DCHS2: variants seen among roughly 807,000 people sequenced by gnomAD.
DCHS2 encodes the protein dachsous cadherin-related 2, also known as protocadherin-23.
A neutral mutation model predicts 182.4 loss-of-function variants in DCHS2; 142 were observed. The ratio of observed to expected loss-of-function variants is 0.78; its 90% CI spans 0.68 to 0.89. The LOEUF (loss-of-function observed/expected upper bound fraction) is 0.89, where lower values mean the gene tolerates loss of function less well. Ranked by LOEUF, DCHS2 falls within the 40% of genes least tolerant of loss-of-function variation. The probability of loss-of-function intolerance (pLI) is 0.00; values close to 1 mark genes in which losing one functional copy is unlikely to be tolerated. For missense variants in DCHS2, 4,319 were observed against 4,198.6 expected, an observed-to-expected ratio of 1.03 and a Z score of -0.79; for synonymous variants, 1,740 against 1,663.3, an observed-to-expected ratio of 1.05 and a Z score of -1.12.
At chr4:154,456,666 A>G (rs1471693034) in intron 1 of DCHS2, among the ~76,000 whole-genome samples, 1 of 152,224 alleles carries the variant, frequency 6.6e-6, no homozygotes, top group East Asian at 1.9e-4. Context: ...TACTGGAAGG[A>G]CTTGATGGAT....
chr4:154,385,995 T>G (rs1468438790), intron 1 of DCHS2, among the ~76,000 whole-genome samples: 3 of 152,102 alleles, frequency 2.0e-5, no homozygotes, highest in Non-Finnish European at 4.4e-5. Context: ...CTTAAGTGAC[T>G]AATTGGCATC....
chr4:154,259,806 CT>C, intron 14 of DCHS2, 50 bp from the exon 15 acceptor site: 1 of 1,499,466 alleles, frequency 6.7e-7, no homozygotes, highest in Non-Finnish European at 8.9e-7. Context: ...TGTAGTTATT[CT>C]TTTATTTTTT....
chr4:154,358,151 T>C (rs1291963773), intron 3 of DCHS2, among the ~76,000 whole-genome samples: 1 of 152,202 alleles, frequency 6.6e-6, no homozygotes, highest in East Asian at 1.9e-4. Context: ...TGTATCTTAG[T>C]TTCTCAGTCC....
rs369498450 is a variant in DCHS2 at position 154,304,865 on chromosome 4, A to G, written c.5409T>C (p.Asp1803=). ...TGCTGGACAATGAAGGGAATCCCCC[A>G]TCTCGTACTAGTACTGACACAGAAC... ...EVFTLRVLVR[D]GGFPSLSSTT... is the part of the protein sequence containing the mutation. Residue 1803 remains aspartate, a synonymous_variant, in exon 12 of 20, where the codon GAT becomes GAC. Transcript: ENST00000357232. The G allele has an allele frequency of 2.0e-5, 33 of 1,611,274 alleles. No homozygotes were observed. In the South Asian group the frequency reaches 2.3e-4, roughly 11 times the overall value.
chr4:154,320,734 A>G lies in DCHS2; in HGVS notation c.4665T>C (p.Pro1555=). 1 of 1,614,082 alleles carries G rather than the reference A, an allele frequency of 6.2e-7. No homozygotes were observed. Residue 1555 remains proline, a synonymous_variant, in exon 9 of 20, where the codon CCT becomes CCC. Coordinates refer to ENST00000357232, the MANE Select transcript of DCHS2 (RefSeq NM_001358235.2). ...GGTGGATGAGAAATGGATTCGTGCCAGGGTTGTGGGATTCAATGTAGTATT... is the reference window on the plus strand; with the variant it reads ...GGTGGATGAGAAATGGATTCGTGCCGGGGTTGTGGGATTCAATGTAGTATT... ...RIQYYIESHN[P]GTNPFLIHPS...
intron 6 of DCHS2, 116 bp from the exon 7 acceptor site, chr4:154,328,308 C>A: frequency 1.5e-6 from 1 of 661,606 alleles, no homozygotes; most frequent in South Asian, 2.9e-5. Flanking sequence ...TCTTAAAATC[C>A]ACATATAATT....
intron 2 of DCHS2, among the ~76,000 whole-genome samples, chr4:154,375,082 G>A (rs1730826255): frequency 6.6e-6 from 1 of 152,082 alleles, no homozygotes; most frequent in Non-Finnish European, 1.5e-5. Context: ...TAGCACTAAG[G>A]TGGATAAATA....
intron 16 of DCHS2, among the ~76,000 whole-genome samples, chr4:154,245,459 G>A (rs1039482132): frequency 6.6e-6 from 1 of 151,974 alleles, no homozygotes. Flanking sequence ...CTCTTTGATT[G>A]TCTTAACAAG....
intron 15 of DCHS2, among the ~76,000 whole-genome samples, chr4:154,257,908 C>T (rs1181119060): frequency 6.6e-6 from 1 of 152,154 alleles, no homozygotes; most frequent in Non-Finnish European, 1.5e-5. Flanking sequence ...TGCACCTGGG[C>T]TTTATATGGG....
At position 154,234,649 on chromosome 4, in the gene DCHS2, A is replaced by G. The variant is rs779586043; in HGVS notation, c.10003T>C (p.Leu3335=). 3 of 1,613,950 alleles carry G rather than the reference A, an allele frequency of 1.9e-6. No individual in the cohort carries two copies. The highest frequency in any genetic ancestry group is 1.3e-5 in the African/African-American group (1 of 74,926). ...GACAAGGCAGGAGGCTGCATCGTCA[A>G]TAGGGAAAGAGATGGAGAAAAATTG... ...TPNFSPSLSL[L]TMQPPALSPL... The change falls in exon 20 of 20, where the codon TTG becomes CTG. Residue 3335 remains leucine (L), a synonymous_variant. Transcript: ENST00000357232.
At chr4:154,347,184 C>T (rs1729399662) in intron 3 of DCHS2, among the ~76,000 whole-genome samples, 1 of 150,296 alleles carries the variant, frequency 6.7e-6, no homozygotes, top group Non-Finnish European at 1.5e-5. Context: ...ATTTTATGTT[C>T]TCAGTGCTAG....
intron 2 of DCHS2, among the ~76,000 whole-genome samples, chr4:154,372,993 G>A (rs1392725733): frequency 1.3e-5 from 2 of 152,080 alleles, no homozygotes; most frequent in East Asian, 3.9e-4. Flanking sequence ...TTCTTCTAAA[G>A]GGCTTTCAGG....
chr4:154,264,300 G>A (rs1319643398), intron 14 of DCHS2, among the ~76,000 whole-genome samples: 2 of 152,052 alleles, frequency 1.3e-5, no homozygotes, highest in African/African-American at 4.8e-5. Flanking sequence ...AACATCAAAG[G>A]CTTCAGATGC....
Position 154,366,238 on chromosome 4 carries a change from C to T in DCHS2, c.2448G>A (p.Ser816=), listed in dbSNP as rs78251264. 3.5e-4 allele frequency: 567 copies of T among 1,613,460 alleles called. 2 individuals are homozygous for T. The highest frequency in any genetic ancestry group is 3.5e-4 in the Admixed American group (21 of 59,968). Residue 816 remains serine, a synonymous_variant, in exon 3 of 20, where the codon TCG becomes TCA. Coordinates refer to ENST00000357232, the MANE Select transcript of DCHS2 (RefSeq NM_001358235.2). Reference sequence around the variant, plus strand: ...TGGTGGAGTCAATGGTAAAAAGGGACGACACGTTTCCTGGAATAAGCTCAT... The same window carrying T: ...TGGTGGAGTCAATGGTAAAAAGGGATGACACGTTTCCTGGAATAAGCTCAT... ...VAYELIPGNV[S]SLFTIDSTTG...
At chr4:154,446,960 G>A (rs1355034180) in intron 1 of DCHS2, among the ~76,000 whole-genome samples, 5 of 150,452 alleles carry the variant, frequency 3.3e-5, no homozygotes, top group East Asian at 2.0e-4. Context: ...TCATACACAC[G>A]CACACACACA....
chr4:154,450,188 A>G (rs1230051240), intron 1 of DCHS2, among the ~76,000 whole-genome samples: 3 of 152,204 alleles, frequency 2.0e-5, no homozygotes. Context: ...GGAGGATAAC[A>G]TAGATGAAGG....
chr4:154,490,561 C>T lies in DCHS2; in HGVS notation c.795G>A (p.Gln265=), dbSNP rs559993963. The part of the protein sequence containing the change: ...DREEAAAHRL[Q]IEAWDGGRPR... ...GTCGGCCGCCGTCCCATGCCTCGAT[C>T]TGCAGCCGGTGCGCCGCCGCCTCCT... The change falls in exon 1 of 20, where the codon CAG becomes CAA. Residue 265 remains glutamine, a synonymous_variant. Transcript: ENST00000357232. 8.0e-5 allele frequency: 124 copies of T among 1,542,072 alleles called. No homozygotes were observed. The East Asian group carries it at 1.6e-3, about 19-fold the overall frequency.
intron 10 of DCHS2, among the ~76,000 whole-genome samples, chr4:154,312,773 C>A (rs192395325): frequency 6.6e-6 from 1 of 152,248 alleles, no homozygotes; most frequent in African/African-American, 2.4e-5. Context: ...TTTTAGCATC[C>A]TTATCCTTTA....
rs144100584 is a variant in DCHS2, at chr4:154,293,894, C to T, written c.6463+3957G>A. Among the ~76,000 whole-genome samples, 786 of 152,300 alleles carry T rather than the reference C, an allele frequency of 5.2e-3. 2 individuals carry two copies. The highest frequency in any genetic ancestry group is 0.017 in the Middle Eastern group (5 of 294). ...CAACTCACCACACCCTGTGGAGGCC[C>T]CAAGCTTTGTGCATGACATTTCCAC... is the stretch of plus-strand genomic sequence containing the variant. On this transcript the variant is annotated intron_variant, in intron 13 of 19. Coordinates refer to ENST00000357232, the MANE Select transcript of DCHS2 (RefSeq NM_001358235.2).
Sources: gnomAD v4.1 joint callset for allele counts (sites outside exome capture counted in the v4.1 genomes callset) on GRCh38, gnomAD v4.1.1 for gene constraint, MANE v1.5 for transcripts, NCBI Gene and HGNC (gene_info 2026-07-23, HGNC 2026-07-21) for gene names.